MSI2: variants seen among roughly 807,000 people sequenced by gnomAD.
The protein encoded by MSI2 is musashi RNA binding protein 2.
MSI2 carries 17 observed loss-of-function variants against 45.6 expected under a neutral mutation model. The ratio of observed to expected loss-of-function variants is 0.37; its 90% CI spans 0.26 to 0.56. The LOEUF (loss-of-function observed/expected upper bound fraction) is 0.56, where lower values mean the gene tolerates loss of function less well. Ranked by LOEUF, MSI2 falls within the 20% of genes least tolerant of loss-of-function variation. MSI2 has a pLI of 0.77. For synonymous variants in MSI2, 156 were observed against 158.2 expected, an observed-to-expected ratio of 0.99 and a Z score of 0.11; for missense variants, 293 against 444.2, an observed-to-expected ratio of 0.66 and a Z score of 3.06.
chr17:57,511,835 G>A (rs2086362501), intron 6 of MSI2, among the ~76,000 whole-genome samples: 2 of 152,110 alleles, frequency 1.3e-5, no homozygotes, highest in Non-Finnish European at 2.9e-5. Flanking sequence ...TCAGGGTGGA[G>A]GCCCAGCCAT....
At chr17:57,632,007 C>T in intron 10 of MSI2, 1 of 1,373,582 alleles carries the variant, frequency 7.3e-7, no homozygotes. Flanking sequence ...GTCCTCATTG[C>T]TTCACTCAAT....
chr17:57,346,685 T>C (rs1443071018), intron 5 of MSI2, among the ~76,000 whole-genome samples: 1 of 152,164 alleles, frequency 6.6e-6, no homozygotes, highest in Non-Finnish European at 1.5e-5. Context: ...TGGCTCATTG[T>C]AGCCTCAACC....
At chr17:57,591,017 A>G (rs1904779129) in intron 7 of MSI2, among the ~76,000 whole-genome samples, 1 of 152,202 alleles carries the variant, frequency 6.6e-6, no homozygotes, top group Non-Finnish European at 1.5e-5. Flanking sequence ...CAGACTCGCC[A>G]TAGACTAGAA....
At chr17:57,443,633 C>T (rs185153036) in intron 6 of MSI2, among the ~76,000 whole-genome samples, 127 of 152,242 alleles carry the variant, frequency 8.3e-4, no homozygotes, top group Non-Finnish European at 3.2e-4. Flanking sequence ...TGAGCTGACA[C>T]GTAAAACCCC....
chr17:57,263,569 G>A (rs1907511070), intron 5 of MSI2: 1 of 152,142 alleles, frequency 6.6e-6, no homozygotes, highest in South Asian at 2.1e-4. Context: ...CAAATTTCCA[G>A]GTTAGTCATT....
At chr17:57,329,991 G>T (rs779257365) in intron 5 of MSI2, among the ~76,000 whole-genome samples, 10 of 151,978 alleles carry the variant, frequency 6.6e-5, no homozygotes, top group Non-Finnish European at 1.5e-4. Context: ...TGTCTCAGAG[G>T]TTGGTGGCCT....
chr17:57,368,297 G>A (rs898473751), intron 5 of MSI2, among the ~76,000 whole-genome samples: 3 of 152,052 alleles, frequency 2.0e-5, no homozygotes, highest in Non-Finnish European at 4.4e-5. Context: ...TGCACTTTGG[G>A]AGGCTCCCAG....
chr17:57,581,004 CTTTTTTTT>C (rs3059122), intron 7 of MSI2, among the ~76,000 whole-genome samples: 4 of 66,504 alleles, frequency 6.0e-5, no homozygotes, highest in East Asian at 5.6e-4. Context: ...AGGTCAGCAT[CTTTTTTTT>C]TTTTTTTTTT....
intron 5 of MSI2, among the ~76,000 whole-genome samples, chr17:57,325,364 TCAGCTAA>T (rs562839057): frequency 1.6e-3 from 237 of 152,360 alleles, no homozygotes; most frequent in African/African-American, 5.3e-3. Flanking sequence ...TATATGCTAT[TCAGCTAA>T]CAGGTGCACT....
the MSI2 span, among the ~76,000 whole-genome samples, chr17:57,690,191 AG>A: frequency 8.8e-5 from 13 of 148,072 alleles, no homozygotes; most frequent in Non-Finnish European, 1.6e-4. Context: ...AATTTGTAGT[AG>A]TATCTTATTG....
At chr17:57,676,177 CTCAT>C (rs1567972925) in intron 12 of MSI2, among the ~76,000 whole-genome samples, 1 of 152,244 alleles carries the variant, frequency 6.6e-6, no homozygotes, top group African/African-American at 2.4e-5. Context: ...CCAAGGTGGC[CTCAT>C]TCATGCCCCC....
intron 5 of MSI2, among the ~76,000 whole-genome samples, chr17:57,294,310 T>C (rs1196850949): frequency 6.6e-6 from 1 of 152,130 alleles, no homozygotes; most frequent in East Asian, 1.9e-4. Flanking sequence ...TGTTTGAGCA[T>C]CTGGCTTTCA....
intron 5 of MSI2, among the ~76,000 whole-genome samples, chr17:57,276,132 C>CTAAGGCT (rs1301947280): frequency 6.6e-6 from 1 of 152,160 alleles, no homozygotes; most frequent in Non-Finnish European, 1.5e-5. Flanking sequence ...TTTATGTTTT[C>CTAAGGCT]TAAGGCTGAA....
intron 5 of MSI2, among the ~76,000 whole-genome samples, chr17:57,397,950 C>A (rs973603204): frequency 1.2e-4 from 18 of 152,120 alleles, no homozygotes; most frequent in Non-Finnish European, 2.1e-4. Flanking sequence ...GTTTTAGTAA[C>A]TTGGACACTT....
intron 6 of MSI2, among the ~76,000 whole-genome samples, chr17:57,402,079 CAG>C (rs2053051745): frequency 6.6e-6 from 1 of 152,168 alleles, no homozygotes; most frequent in Admixed American, 6.5e-5. Flanking sequence ...AGCCAGGAAA[CAG>C]AGTGTGAGAA....
chr17:57,420,985 C>T (rs762711135), intron 6 of MSI2, among the ~76,000 whole-genome samples: 3 of 152,202 alleles, frequency 2.0e-5, no homozygotes, highest in Non-Finnish European at 4.4e-5. Context: ...TTTTGGCAAT[C>T]GTATTGCACT....
intron 5 of MSI2, among the ~76,000 whole-genome samples, chr17:57,394,124 T>A (rs1480852699): frequency 6.6e-6 from 1 of 152,234 alleles, no homozygotes; most frequent in Non-Finnish European, 1.5e-5. Flanking sequence ...TTTGCATCTT[T>A]GCTGCAAAAT....
At chr17:57,688,894 G>C (rs145854774), downstream of MSI2, among the ~76,000 whole-genome samples, 231 of 152,236 alleles carry the variant, frequency 1.5e-3, no homozygotes, top group African/African-American at 5.4e-3. Context: ...ATTTTTTTAA[G>C]TGTGACTCTA....
intron 5 of MSI2, among the ~76,000 whole-genome samples, chr17:57,326,940 A>G (rs900052943): frequency 1.4e-4 from 22 of 152,162 alleles, no homozygotes; most frequent in African/African-American, 5.1e-4. Flanking sequence ...TGCTCATCTG[A>G]GAGTGTTTTT....
Sources: allele counts gnomAD v4.1 joint callset (sites outside exome capture counted in the v4.1 genomes callset), GRCh38; gene constraint gnomAD v4.1.1; transcripts MANE v1.5; gene names NCBI Gene and HGNC (gene_info 2026-07-23, HGNC 2026-07-21).